ZDHHC17: variants seen among roughly 807,000 people sequenced by gnomAD.
The protein encoded by ZDHHC17 is palmitoyltransferase ZDHHC17.
Under a neutral mutation model 90.3 loss-of-function variants are expected in ZDHHC17, and 40 were observed. The observed-to-expected ratio is 0.44, with a 90% CI of 0.34 to 0.58. ZDHHC17 has a LOEUF of 0.58. Ranked by LOEUF, ZDHHC17 falls within the 20% of genes least tolerant of loss-of-function variation. The pLI is 0.01. For missense variants in ZDHHC17, 614 were observed against 780.8 expected, an observed-to-expected ratio of 0.79 and a Z score of 2.55; for synonymous variants, 235 against 252.4, an observed-to-expected ratio of 0.93 and a Z score of 0.65.
At chr12:76,791,854 A>C (rs1952763356) in intron 1 of ZDHHC17, among the ~76,000 whole-genome samples, 1 of 152,132 alleles carries the variant, frequency 6.6e-6, no homozygotes. Context: ...GAACACAGGG[A>C]AACACTTTAC....
intron 8 of ZDHHC17, among the ~76,000 whole-genome samples, chr12:76,823,967 A>G (rs1440720964): frequency 6.6e-6 from 1 of 152,112 alleles, no homozygotes; most frequent in Non-Finnish European, 1.5e-5. Flanking sequence ...CAGAGTGAAA[A>G]ATGGCTGTCT....
In ZDHHC17 at chr12:76,764,193, C is replaced by A. The variant is rs1297737012; in HGVS notation, c.-44C>A. ...CTCGCGCTCGCCCCGCGCTCGCCCTCCGCCTCGCCCGAGCCCCGGGAGGGT... is the reference window on the plus strand; with the variant it reads ...CTCGCGCTCGCCCCGCGCTCGCCCTACGCCTCGCCCGAGCCCCGGGAGGGT... On this transcript the variant is annotated 5_prime_UTR_variant, in exon 1 of 17. Coordinates refer to ENST00000426126, the MANE Select transcript of ZDHHC17 (RefSeq NM_015336.4). 1.1e-5 allele frequency: 17 copies of A among 1,487,650 alleles called. No individual in the cohort carries two copies. Among genetic ancestry groups the A allele is most frequent in the Middle Eastern group, 2.1e-4 (1 of 4,828 alleles). 92.2% of individuals were successfully genotyped at this position (1,487,650 alleles called of 1,614,324 possible). A position where few individuals can be genotyped will look rare whatever the true frequency, so the allele number is the denominator to read the frequency against.
intron 2 of ZDHHC17, among the ~76,000 whole-genome samples, chr12:76,798,722 T>A (rs1355412342): frequency 6.6e-6 from 1 of 152,162 alleles, no homozygotes; most frequent in Non-Finnish European, 1.5e-5. Context: ...CAGGAAACTT[T>A]ACAATCATGG....
intron 1 of ZDHHC17, among the ~76,000 whole-genome samples, chr12:76,794,273 AATT>A (rs778093075): frequency 2.4e-4 from 37 of 152,180 alleles, no homozygotes; most frequent in African/African-American, 6.0e-4. Flanking sequence ...TTAGCTTAAA[AATT>A]ATTATCTATG....
intron 8 of ZDHHC17, among the ~76,000 whole-genome samples, chr12:76,825,204 G>A (rs780161243): frequency 1.3e-5 from 2 of 152,144 alleles, no homozygotes; most frequent in Non-Finnish European, 2.9e-5. Context: ...ACTGTGATAC[G>A]CTAGATGTTA....
chr12:76,791,193 A>G (rs1384193044), intron 1 of ZDHHC17, among the ~76,000 whole-genome samples: 2 of 152,210 alleles, frequency 1.3e-5, no homozygotes, highest in African/African-American at 2.4e-5. Context: ...TTAACTAATT[A>G]CATTTTTAAA....
chr12:76,782,088 G>T (rs1952633845), intron 1 of ZDHHC17, among the ~76,000 whole-genome samples: 1 of 152,126 alleles, frequency 6.6e-6, no homozygotes, highest in African/African-American at 2.4e-5. Context: ...AGCACCTCCA[G>T]CCTATACAAG....
chr12:76,775,369 A>G (rs1952547063), intron 1 of ZDHHC17, among the ~76,000 whole-genome samples: 1 of 152,186 alleles, frequency 6.6e-6, no homozygotes, highest in Non-Finnish European at 1.5e-5. Flanking sequence ...TGGCTCATAA[A>G]CAATATTGTG....
intron 10 of ZDHHC17, among the ~76,000 whole-genome samples, chr12:76,836,584 T>A (rs1953366172): frequency 6.6e-6 from 1 of 152,170 alleles, no homozygotes; most frequent in Admixed American, 6.5e-5. Context: ...TTTCTTTAGC[T>A]TATTAAATTG....
rs1343790700 is a variant in ZDHHC17 at position 76,853,159 on chromosome 12, A to T, written c.*2174A>T. On this transcript the variant is annotated 3_prime_UTR_variant, in exon 17 of 17. Coordinates refer to ENST00000426126, the MANE Select transcript of ZDHHC17 (RefSeq NM_015336.4). ...AACCTCTAGATGTGTAATTACATGG[A>T]AAATACTAGCAATGTGAATGCTTTT... 1 of 152,202 alleles carries T rather than the reference A, an allele frequency of 6.6e-6. No individual in the cohort carries two copies. Among genetic ancestry groups the T allele is most frequent in the African/African-American group, 2.4e-5 (1 of 41,450 alleles). 9.4% of individuals were successfully genotyped at this position (152,202 alleles called of 1,614,324 possible). A position where few individuals can be genotyped will look rare whatever the true frequency, so the allele number is the denominator to read the frequency against.
Position 76,809,126 on chromosome 12 carries a change from A to C in ZDHHC17, c.398+6A>C, listed in dbSNP as rs762935471. ...CCATTGCACTGGGCCACAAGGTTTA[A>C]ATTTGCTTCTGGATTTTTTTCCTTT... On this transcript the variant is annotated splice_donor_region_variant and intron_variant, in intron 4 of 16. Coordinates refer to ENST00000426126, the MANE Select transcript of ZDHHC17 (RefSeq NM_015336.4). The C allele has an allele frequency of 1.5e-5, 23 of 1,527,166 alleles. No homozygotes were observed. The highest frequency in any genetic ancestry group is 1.8e-5 in the Non-Finnish European group (21 of 1,142,244). 94.6% of individuals were successfully genotyped at this position (1,527,166 alleles called of 1,614,324 possible).
At chr12:76,768,638 G>T (rs996416826) in intron 1 of ZDHHC17, among the ~76,000 whole-genome samples, 1 of 152,162 alleles carries the variant, frequency 6.6e-6, no homozygotes, top group Non-Finnish European at 1.5e-5. Context: ...AAAGGCTTCC[G>T]TAGAGGGACA....
At chr12:76,812,420 G>A (rs1179515723) in intron 5 of ZDHHC17, among the ~76,000 whole-genome samples, 1 of 152,010 alleles carries the variant, frequency 6.6e-6, no homozygotes, top group Non-Finnish European at 1.5e-5. Flanking sequence ...TAGTCACACA[G>A]TTTCTCTCTC....
intron 2 of ZDHHC17, among the ~76,000 whole-genome samples, chr12:76,803,907 A>G (rs928319107): frequency 6.6e-6 from 1 of 152,172 alleles, no homozygotes; most frequent in African/African-American, 2.4e-5. Context: ...AGGGGTGACT[A>G]GCTAGTTAAA....
intron 1 of ZDHHC17, among the ~76,000 whole-genome samples, chr12:76,787,357 T>TAACA (rs953365778): frequency 3.3e-5 from 5 of 152,242 alleles, no homozygotes; most frequent in African/African-American, 9.6e-5. Context: ...TTCTATAATG[T>TAACA]AACAGCCTGT....
At chr12:76,771,800 C>A (rs988992789) in intron 1 of ZDHHC17, among the ~76,000 whole-genome samples, 2 of 151,898 alleles carry the variant, frequency 1.3e-5, no homozygotes, top group African/African-American at 4.8e-5. Flanking sequence ...GTGTAAGGAT[C>A]CTCTTGTTGC....
intron 3 of ZDHHC17, among the ~76,000 whole-genome samples, chr12:76,807,598 A>G (rs1017556708): frequency 2.0e-5 from 3 of 152,230 alleles, no homozygotes; most frequent in Admixed American, 6.5e-5. Flanking sequence ...GAAGTTTACA[A>G]TGAAAAGTAA....
chr12:76,808,607 T>A (rs933431533), intron 3 of ZDHHC17, among the ~76,000 whole-genome samples: 3 of 152,224 alleles, frequency 2.0e-5, no homozygotes, highest in Admixed American at 6.5e-5. Flanking sequence ...AAAGAACCTT[T>A]ATGTTATGTG....
At chr12:76,846,759 A>G (rs1196120748) in intron 14 of ZDHHC17, 80 bp downstream of exon 14, 5 of 1,246,034 alleles carry the variant, frequency 4.0e-6, no homozygotes, top group South Asian at 1.4e-5. Context: ...ACAAATTACT[A>G]TAATGACAAA....
Sources: allele counts gnomAD v4.1 joint callset (sites outside exome capture counted in the v4.1 genomes callset), GRCh38; gene constraint gnomAD v4.1.1; transcripts MANE v1.5; gene names NCBI Gene and HGNC (gene_info 2026-07-23, HGNC 2026-07-21).